MTUS1: variants seen among roughly 807,000 people sequenced by gnomAD.
The protein encoded by MTUS1 is microtubule-associated tumor suppressor 1.
MTUS1 carries 109 observed loss-of-function variants against 120.8 expected under a neutral mutation model. The ratio of observed to expected loss-of-function variants is 0.90; its 90% CI spans 0.77 to 1.06. MTUS1 has a LOEUF of 1.06. Ranked by LOEUF, MTUS1 falls within the 50% of genes least tolerant of loss-of-function variation. MTUS1 has a pLI of 0.00. For synonymous variants in MTUS1, 737 were observed against 550.5 expected (o/e 1.34, Z -4.74); for missense variants, 2,210 against 1,486.3 (o/e 1.49, Z -8.01).
chr8:17,662,317 A>G (rs1008381342), intron 8 of MTUS1, among the ~76,000 whole-genome samples: 3 of 151,850 alleles, frequency 2.0e-5, no homozygotes, highest in African/African-American at 7.3e-5. Flanking sequence ...GGTATTAGAC[A>G]AACACAAAGT....
At chr8:17,675,016 C>G (rs1054958814) in intron 8 of MTUS1, 170 bp downstream of exon 8, 8 of 1,414,684 alleles carry the variant, frequency 5.7e-6, no homozygotes, top group South Asian at 1.7e-5. Flanking sequence ...GAAGGTCAAG[C>G]TGCCAAGATT....
intron 6 of MTUS1, among the ~76,000 whole-genome samples, chr8:17,694,851 T>C (rs1290253650): frequency 2.0e-5 from 3 of 152,186 alleles, no homozygotes; most frequent in East Asian, 3.9e-4. Flanking sequence ...GGTTTTCAAA[T>C]CTTCAGCCAG....
chr8:17,684,562 A>G lies in MTUS1; in HGVS notation c.2624-20T>C. On this transcript the variant is annotated intron_variant, in intron 6 of 14. Transcript: ENST00000693296. ...TTTCAACTGCAAAACGAATTAACAT[A>G]GGTACAAAGATAGGTGAGGTTAATT... 1 of 1,590,614 alleles carries G rather than the reference A, an allele frequency of 6.3e-7. No homozygotes were observed.
intron 1 of MTUS1, chr8:17,800,524 T>C (rs1402111830): frequency 6.6e-6 from 1 of 152,048 alleles, no homozygotes; most frequent in African/African-American, 2.4e-5. Flanking sequence ...GAGTACGTCT[T>C]CAAAAAAGAA....
At chr8:17,701,365 A>G (rs540130237) in intron 6 of MTUS1, among the ~76,000 whole-genome samples, 1 of 152,334 alleles carries the variant, frequency 6.6e-6, no homozygotes, top group African/African-American at 2.4e-5. Context: ...TTATCAAAAA[A>G]TTAACACAAA....
intron 1 of MTUS1, among the ~76,000 whole-genome samples, chr8:17,793,053 T>G (rs1026195363): frequency 6.6e-6 from 1 of 150,940 alleles, no homozygotes; most frequent in Non-Finnish European, 1.5e-5. Context: ...CAAAGTTATC[T>G]GAATTCCTAA....
intron 8 of MTUS1, among the ~76,000 whole-genome samples, chr8:17,664,351 A>C (rs1041324996): frequency 3.3e-5 from 5 of 152,174 alleles, no homozygotes; most frequent in African/African-American, 1.2e-4. Context: ...ATACCATAGA[A>C]AGAAGAGACG....
At position 17,755,374 on chromosome 8, in the gene MTUS1, T is replaced by C. The variant is rs559745883; in HGVS notation, c.434A>G (p.Asn145Ser). The change falls in exon 2 of 15, where the codon AAT (asparagine) becomes AGT (serine). Residue 145 changes from asparagine (N) to serine (S), a missense_variant. By Grantham distance (46) the Asn-to-Ser change is conservative. Coordinates refer to ENST00000693296, the MANE Select transcript of MTUS1 (RefSeq NM_001363059.2). ...ATCACAGTAGCCTGCACAGTTCAAA[T>C]TGTCATTAGGCTTCCACACAAAAGG... is the stretch of plus-strand genomic sequence containing the variant. ...SLPFVWKPND[N>S]LNCAGYCDAL... The C allele has an allele frequency of 4.6e-4, 741 of 1,614,178 alleles. 7 individuals carry two copies. In the South Asian group the frequency reaches 7.5e-3, roughly 16 times the overall value.
chr8:17,789,044 T>TC (rs200886838), intron 1 of MTUS1, among the ~76,000 whole-genome samples: 3,827 of 152,192 alleles, frequency 0.025, 166 homozygotes, highest in African/African-American at 0.087. Context: ...GTCTTTTTTT[T>TC]TTTTTGAGAC....
chr8:17,674,082 C>T (rs528474424), intron 8 of MTUS1, among the ~76,000 whole-genome samples: 3 of 152,172 alleles, frequency 2.0e-5, no homozygotes, highest in East Asian at 3.9e-4. Context: ...GGTTGAGGAG[C>T]CCAGGGCAGA....
chr8:17,646,967 C>A lies in MTUS1; in HGVS notation c.3599+15G>T, dbSNP rs753198612. 2 of 1,602,802 alleles carry A rather than the reference C, an allele frequency of 1.2e-6. No individual in the cohort carries two copies. The highest frequency in any genetic ancestry group is 1.1e-5 in the South Asian group (1 of 90,814). On this transcript the variant is annotated intron_variant, in intron 14 of 14. Transcript: ENST00000693296. ...AGCGGGGAGCTCGGGAGAAACAGCA[C>A]TGTTTTATTTTTACCTTGAGATTGC...
chr8:17,731,485 A>C (rs1253500872), intron 3 of MTUS1, among the ~76,000 whole-genome samples: 4 of 152,202 alleles, frequency 2.6e-5, no homozygotes, highest in African/African-American at 9.6e-5. Context: ...CTCGCCATCC[A>C]CCAAAATAAA....
rs992375699 is a variant in MTUS1 at position 17,646,207 on chromosome 8, A to G, written c.3600-68T>C. ...AAAAAAAACTTGAAAAATTTTTCTTAGCGTTTGAAACTTTAAAGTCCAAAA... is the reference window on the plus strand; with the variant it reads ...AAAAAAAACTTGAAAAATTTTTCTTGGCGTTTGAAACTTTAAAGTCCAAAA... On this transcript the variant is annotated intron_variant, in intron 14 of 14. Transcript: ENST00000693296. 1.8e-5 allele frequency: 26 copies of G among 1,447,964 alleles called. No homozygotes were observed. In the African/African-American group the frequency reaches 3.6e-4, roughly 20 times the overall value. The allele number at this position is 1,447,964 out of a possible 1,614,324, so 89.7% of individuals were successfully genotyped here.
At chr8:17,751,582 G>A (rs768328289) in intron 2 of MTUS1, among the ~76,000 whole-genome samples, 38 of 151,880 alleles carry the variant, frequency 2.5e-4, no homozygotes, top group Non-Finnish European at 4.1e-4. Flanking sequence ...AGAGTAGGCC[G>A]GGGGCAGTGG....
At chr8:17,665,707 G>A (rs564013601) in intron 8 of MTUS1, among the ~76,000 whole-genome samples, 1 of 152,226 alleles carries the variant, frequency 6.6e-6, no homozygotes, top group South Asian at 2.1e-4. Flanking sequence ...ACACCCAGCG[G>A]GATCTGACTG....
chr8:17,720,255 G>A (rs1053189422), intron 4 of MTUS1, among the ~76,000 whole-genome samples: 2 of 151,648 alleles, frequency 1.3e-5, no homozygotes, highest in African/African-American at 4.8e-5. Flanking sequence ...TCAGACAGGA[G>A]AATTGCTTGA....
chr8:17,705,658 G>T (rs922766470), intron 6 of MTUS1: 12 of 152,202 alleles, frequency 7.9e-5, no homozygotes, highest in African/African-American at 2.9e-4. Flanking sequence ...AAGAAACCCT[G>T]GCAGCCTCGG....
chr8:17,650,762 A>G (rs1806808664), intron 12 of MTUS1, among the ~76,000 whole-genome samples: 1 of 152,238 alleles, frequency 6.6e-6, no homozygotes, highest in Admixed American at 6.5e-5. Context: ...GTCCTCTGAG[A>G]GCACACCATC....
chr8:17,676,462 G>A lies in MTUS1; in HGVS notation c.2839-1210C>T, dbSNP rs1047206877. 14 of 643,370 alleles carry A rather than the reference G, an allele frequency of 2.2e-5. 1 individual carries two copies. Among genetic ancestry groups the A allele is most frequent in the South Asian group, 6.9e-5 (4 of 58,362 alleles). The allele number at this position is 643,370 out of a possible 1,614,324, so 39.9% of individuals were successfully genotyped here. On this transcript the variant is annotated intron_variant, in intron 7 of 14. Coordinates refer to ENST00000693296, the MANE Select transcript of MTUS1 (RefSeq NM_001363059.2). ...GGAGGCGCGCCATTGGCCCTCGGGC[G>A]TCTTACTTCATGTCCTGCAGGTTAC...
Sources: allele counts gnomAD v4.1 joint callset (sites outside exome capture counted in the v4.1 genomes callset), GRCh38; gene constraint gnomAD v4.1.1; transcripts MANE v1.5; gene names NCBI Gene and HGNC (gene_info 2026-07-23, HGNC 2026-07-21).